The following MACROH2A2 variants were observed in gnomAD, a reference collection of about 807,000 sequenced individuals.
MACROH2A2 encodes core histone macro-H2A.2.
MACROH2A2 carries 6 observed loss-of-function variants against 37.6 expected under a neutral mutation model. That is an observed-to-expected ratio of 0.16 (90% CI 0.09 to 0.32). MACROH2A2 has a LOEUF of 0.32. MACROH2A2 is among the 10% of genes least tolerant of loss of function. The probability of loss-of-function intolerance (pLI) is 1.00; values close to 1 mark genes in which losing one functional copy is unlikely to be tolerated. For missense variants in MACROH2A2, 290 were observed against 485.9 expected (o/e 0.60, Z 3.79); for synonymous variants, 192 against 202.7 (o/e 0.95, Z 0.45).
At chr10:70,060,473 G>C (rs915698385) in intron 1 of MACROH2A2, among the ~76,000 whole-genome samples, 1 of 152,182 alleles carries the variant, frequency 6.6e-6, no homozygotes. Context: ...AGAGCAGTCT[G>C]TTGTTCTAGC....
At chr10:70,068,386 T>C (rs940528322) in intron 1 of MACROH2A2, among the ~76,000 whole-genome samples, 1 of 152,206 alleles carries the variant, frequency 6.6e-6, no homozygotes, top group Non-Finnish European at 1.5e-5. Context: ...TAATAAGTAT[T>C]CATGTTCTAA....
At chr10:70,062,683 G>T (rs2072056793) in intron 1 of MACROH2A2, among the ~76,000 whole-genome samples, 1 of 152,098 alleles carries the variant, frequency 6.6e-6, no homozygotes, top group Non-Finnish European at 1.5e-5. Flanking sequence ...TGACACCCTG[G>T]CCTATAATTA....
intron 1 of MACROH2A2, among the ~76,000 whole-genome samples, chr10:70,059,471 C>T (rs2072038594): frequency 6.6e-6 from 1 of 151,476 alleles, no homozygotes; most frequent in Admixed American, 6.6e-5. Flanking sequence ...CTCCTAGGTT[C>T]ATGATTTTCC....
At chr10:70,074,713 T>C (rs1471093813) in intron 1 of MACROH2A2, among the ~76,000 whole-genome samples, 19 of 152,182 alleles carry the variant, frequency 1.2e-4, no homozygotes, top group Admixed American at 1.2e-3. Context: ...CCCTTTCGCT[T>C]GGTTCTCATT....
chr10:70,083,730 G>T (rs2072194916), intron 2 of MACROH2A2, among the ~76,000 whole-genome samples: 1 of 150,162 alleles, frequency 6.7e-6, no homozygotes, highest in Admixed American at 6.7e-5. Context: ...GCCCCAACCT[G>T]GTGAAGGAGG....
intron 7 of MACROH2A2, among the ~76,000 whole-genome samples, chr10:70,104,311 C>T (rs573293116): frequency 4.0e-4 from 60 of 151,238 alleles, no homozygotes; most frequent in Admixed American, 1.6e-3. Flanking sequence ...GAACCCACCA[C>T]GCAGAAAGGA....
At chr10:70,061,690 C>T (rs1441910234) in intron 1 of MACROH2A2, among the ~76,000 whole-genome samples, 2 of 152,166 alleles carry the variant, frequency 1.3e-5, no homozygotes, top group African/African-American at 4.8e-5. Context: ...CTTCCCACTA[C>T]ACGACGTGAC....
intron 7 of MACROH2A2, among the ~76,000 whole-genome samples, chr10:70,102,855 C>T (rs1336883900): frequency 1.3e-5 from 2 of 152,112 alleles, no homozygotes; most frequent in African/African-American, 4.8e-5. Context: ...CTTTAAAAAC[C>T]CTAAGAGCCA....
intron 6 of MACROH2A2, among the ~76,000 whole-genome samples, chr10:70,097,047 T>C (rs532973304): frequency 1.3e-5 from 2 of 152,310 alleles, no homozygotes; most frequent in African/African-American, 4.8e-5. Flanking sequence ...AAAAATAATA[T>C]GCTTCTTTTT....
At chr10:70,064,134 C>T (rs761627830) in intron 1 of MACROH2A2, among the ~76,000 whole-genome samples, 31 of 152,250 alleles carry the variant, frequency 2.0e-4, no homozygotes, top group South Asian at 4.1e-4. Flanking sequence ...TTTGGGAGGC[C>T]GAGGCAGGCA....
chr10:70,072,208 TTTTTA>T (rs1366703001), intron 1 of MACROH2A2, among the ~76,000 whole-genome samples: 2 of 152,040 alleles, frequency 1.3e-5, no homozygotes, highest in Non-Finnish European at 2.9e-5. Flanking sequence ...CATTTTTCTT[TTTTTA>T]TTTTATTATT....
At chr10:70,099,228 C>T (rs572942149) in intron 6 of MACROH2A2, 1 of 152,404 alleles carries the variant, frequency 6.6e-6, no homozygotes, top group South Asian at 2.1e-4. Context: ...CGCCCTCCCC[C>T]AGTGGACAGT....
intron 1 of MACROH2A2, among the ~76,000 whole-genome samples, chr10:70,060,108 G>T (rs1475559323): frequency 6.6e-6 from 1 of 152,156 alleles, no homozygotes; most frequent in Admixed American, 6.5e-5. Context: ...GGTGGTTCAC[G>T]ACTATAATCC....
At chr10:70,071,660 T>C (rs1393208864) in intron 1 of MACROH2A2, among the ~76,000 whole-genome samples, 1 of 152,242 alleles carries the variant, frequency 6.6e-6, no homozygotes, top group Non-Finnish European at 1.5e-5. Flanking sequence ...TACAGCCTCC[T>C]GTACACCTAG....
chr10:70,062,708 C>T, intron 1 of MACROH2A2, among the ~76,000 whole-genome samples: 1 of 152,186 alleles, frequency 6.6e-6, no homozygotes, highest in Non-Finnish European at 1.5e-5. Context: ...TCCCAATCCT[C>T]AAATTACTGA....
intron 2 of MACROH2A2, among the ~76,000 whole-genome samples, chr10:70,088,721 T>G (rs541249175): frequency 6.6e-6 from 1 of 152,326 alleles, no homozygotes; most frequent in South Asian, 2.1e-4. Flanking sequence ...CTTTTCGGGT[T>G]AACCATTTCC....
intron 2 of MACROH2A2, among the ~76,000 whole-genome samples, chr10:70,077,110 T>A (rs753479494): frequency 5.3e-5 from 8 of 151,918 alleles, no homozygotes; most frequent in Admixed American, 2.0e-4. Flanking sequence ...CCAAGTGGGG[T>A]CACGCAGGGA....
intron 5 of MACROH2A2, among the ~76,000 whole-genome samples, chr10:70,095,261 A>G (rs923021738): frequency 3.3e-5 from 5 of 151,860 alleles, no homozygotes; most frequent in African/African-American, 1.2e-4. Flanking sequence ...CCAGCTACTC[A>G]GGAGGCTGAG....
At chr10:70,055,567 G>T (rs2072010557) in intron 1 of MACROH2A2, among the ~76,000 whole-genome samples, 1 of 151,978 alleles carries the variant, frequency 6.6e-6, no homozygotes, top group South Asian at 2.1e-4. Flanking sequence ...GGAAGTCATT[G>T]GGCCCTTCTC....
Sources: allele counts gnomAD v4.1 joint callset (sites outside exome capture counted in the v4.1 genomes callset), GRCh38; gene constraint gnomAD v4.1.1; transcripts MANE v1.5; gene names NCBI Gene and HGNC (gene_info 2026-07-23, HGNC 2026-07-21).